The following PDE4B variants were observed in gnomAD, a reference collection of about 807,000 sequenced individuals.
PDE4B encodes phosphodiesterase 4B, also known as 3',5'-cyclic-AMP phosphodiesterase 4B.
A neutral mutation model predicts 82.2 loss-of-function variants in PDE4B; 20 were observed. The ratio of observed to expected loss-of-function variants is 0.24; its 90% confidence interval spans 0.17 to 0.35. The LOEUF (loss-of-function observed/expected upper bound fraction) is 0.35, where lower values mean the gene tolerates loss of function less well. Ranked by LOEUF, PDE4B falls within the 10% of genes least tolerant of loss-of-function variation. The pLI, the probability that PDE4B is intolerant of heterozygous loss-of-function variation, is 1.00. For synonymous variants in PDE4B, 320 were observed against 318.9 expected, an observed-to-expected ratio of 1.00 and a Z score of -0.04; for missense variants, 655 against 907.2, an observed-to-expected ratio of 0.72 and a Z score of 3.57.
At chr1:65,985,273 A>C (rs1183520805) in intron 3 of PDE4B, among the ~76,000 whole-genome samples, 2 of 152,132 alleles carry the variant, frequency 1.3e-5, no homozygotes, top group Admixed American at 1.3e-4. Flanking sequence ...GGATCTCTGC[A>C]TATTGTTCTT....
At chr1:66,192,585 T>G (rs1346693076) in intron 3 of PDE4B, among the ~76,000 whole-genome samples, 1 of 152,050 alleles carries the variant, frequency 6.6e-6, no homozygotes, top group Non-Finnish European at 1.5e-5. Context: ...CCTAGCGGAG[T>G]CTCAGTCACC....
intron 7 of PDE4B, among the ~76,000 whole-genome samples, chr1:66,280,779 CTA>C (rs760040686): frequency 1.3e-5 from 2 of 152,126 alleles, no homozygotes; most frequent in Non-Finnish European, 2.9e-5. Context: ...CTCCGTATTC[CTA>C]TGTTTCCGGT....
intron 3 of PDE4B, among the ~76,000 whole-genome samples, chr1:65,919,414 A>G (rs1233076418): frequency 6.6e-6 from 1 of 152,228 alleles, no homozygotes; most frequent in Non-Finnish European, 1.5e-5. Context: ...AAAGTTAATC[A>G]TATAATCTTA....
intron 6 of PDE4B, among the ~76,000 whole-genome samples, 194 bp downstream of exon 6, chr1:66,258,057 T>G (rs1458714040): frequency 6.6e-6 from 1 of 152,222 alleles, no homozygotes; most frequent in Non-Finnish European, 1.5e-5. Context: ...TAACCTAGTC[T>G]GGGTCTTATT....
intron 3 of PDE4B, among the ~76,000 whole-genome samples, chr1:66,168,401 C>T (rs577902376): frequency 6.6e-6 from 1 of 152,146 alleles, no homozygotes; most frequent in South Asian, 2.1e-4. Flanking sequence ...TCAGACAAGA[C>T]CTTGATAACG....
chr1:66,002,553 T>C (rs1651923236), intron 3 of PDE4B, among the ~76,000 whole-genome samples: 1 of 151,856 alleles, frequency 6.6e-6, no homozygotes, highest in Non-Finnish European at 1.5e-5. Context: ...AAGGAAGTTT[T>C]TTTAAAAAAA....
At chr1:66,356,064 G>A (rs1304189395) in intron 9 of PDE4B, among the ~76,000 whole-genome samples, 1 of 152,134 alleles carries the variant, frequency 6.6e-6, no homozygotes, top group Non-Finnish European at 1.5e-5. Flanking sequence ...ATATGGTTGA[G>A]GAATAATTCT....
At chr1:66,063,228 C>T (rs1655673760) in intron 3 of PDE4B, among the ~76,000 whole-genome samples, 1 of 151,968 alleles carries the variant, frequency 6.6e-6, no homozygotes, top group Admixed American at 6.6e-5. Flanking sequence ...TAGTTTCTCA[C>T]TCAGTTGGAA....
intron 7 of PDE4B, among the ~76,000 whole-genome samples, chr1:66,276,269 C>G (rs1655875108): frequency 6.6e-6 from 1 of 152,226 alleles, no homozygotes; most frequent in African/African-American, 2.4e-5. Flanking sequence ...ATTATTGCCC[C>G]TATTTCACAT....
At chr1:66,191,198 A>G (rs1647771713) in intron 3 of PDE4B, among the ~76,000 whole-genome samples, 1 of 152,102 alleles carries the variant, frequency 6.6e-6, no homozygotes, top group Non-Finnish European at 1.5e-5. Context: ...TTGTCTAGGG[A>G]GCTCCTAAAA....
intron 1 of PDE4B, among the ~76,000 whole-genome samples, chr1:65,822,383 C>CAAAT (rs1645963154): frequency 6.6e-6 from 1 of 152,078 alleles, no homozygotes; most frequent in Non-Finnish European, 1.5e-5. Flanking sequence ...TTAAACTTTA[C>CAAAT]ATTTACATTT....
intron 3 of PDE4B, among the ~76,000 whole-genome samples, chr1:66,218,966 A>T (rs1424622791): frequency 2.6e-5 from 4 of 152,174 alleles, no homozygotes; most frequent in Non-Finnish European, 5.9e-5. Context: ...GCATTTACTA[A>T]TCTGCATTAT....
intron 3 of PDE4B, among the ~76,000 whole-genome samples, chr1:66,106,707 T>C (rs977844498): frequency 6.6e-6 from 1 of 152,066 alleles, no homozygotes. Flanking sequence ...TTCTTCTAGA[T>C]TTTCTAGTTT....
intron 8 of PDE4B, chr1:66,354,720 T>G (rs1459700473): frequency 2.8e-6 from 4 of 1,438,006 alleles, no homozygotes; most frequent in Non-Finnish European, 2.7e-6. Context: ...GGTTTTTGTC[T>G]TTTCTAAGTT....
chr1:66,061,864 G>A (rs1346291282), intron 3 of PDE4B, among the ~76,000 whole-genome samples: 1 of 152,082 alleles, frequency 6.6e-6, no homozygotes, highest in East Asian at 1.9e-4. Context: ...CATGGCACAT[G>A]TATACCTATG....
chr1:65,938,201 T>C (rs1484473112), intron 3 of PDE4B, among the ~76,000 whole-genome samples: 1 of 152,092 alleles, frequency 6.6e-6, no homozygotes, highest in Non-Finnish European at 1.5e-5. Flanking sequence ...ATGGGGAAGT[T>C]CAAACCACAC....
At chr1:66,051,920 A>G (rs1427255333) in intron 3 of PDE4B, among the ~76,000 whole-genome samples, 2 of 152,024 alleles carry the variant, frequency 1.3e-5, no homozygotes, top group Non-Finnish European at 2.9e-5. Context: ...CATACTATTC[A>G]CTCCTTAGGG....
intron 3 of PDE4B, among the ~76,000 whole-genome samples, chr1:65,950,017 C>CA (rs1357921053): frequency 6.6e-6 from 1 of 152,092 alleles, no homozygotes; most frequent in African/African-American, 2.4e-5. Context: ...TCTTGTTCTT[C>CA]AACCGTGGCT....
At chr1:66,235,912 A>G (rs1213911300) in intron 3 of PDE4B, among the ~76,000 whole-genome samples, 1 of 152,256 alleles carries the variant, frequency 6.6e-6, no homozygotes, top group Non-Finnish European at 1.5e-5. Flanking sequence ...AATAGAAAAC[A>G]GTAATGTACA....
Sources: gnomAD v4.1 joint callset for allele counts (sites outside exome capture counted in the v4.1 genomes callset) on GRCh38, gnomAD v4.1.1 for gene constraint, MANE v1.5 for transcripts, NCBI Gene and HGNC (gene_info 2026-07-23, HGNC 2026-07-21) for gene names.